Variants in DNA2 observed in about 807,000 individuals in gnomAD.
DNA2 encodes the protein DNA replication helicase/nuclease 2.
DNA2 carries 101 observed loss-of-function variants against 119.1 expected under a neutral mutation model. That is an observed-to-expected ratio of 0.85 (90% CI 0.72 to 1.00). The LOEUF (loss-of-function observed/expected upper bound fraction) is 1.00. Among genes scored for constraint, DNA2 ranks in the 50% least tolerant of loss-of-function variants. The pLI is 0.00. For synonymous variants in DNA2, 366 were observed against 424.4 expected, an observed-to-expected ratio of 0.86 and a Z score of 1.69; for missense variants, 1,121 against 1,255.5, an observed-to-expected ratio of 0.89 and a Z score of 1.62.
At position 68,463,668 on chromosome 10, in the gene DNA2, C is replaced by CAA. The variant is rs1350131594; in HGVS notation, c.587+1997_587+1998dup. ...TGAACGACAGAGGAAGACTCCATCTCAAAAAAAAAAAAAAAAGATACAACT... is the reference window on the plus strand; with the variant it reads ...TGAACGACAGAGGAAGACTCCATCTCAAAAAAAAAAAAAAAAAAGATACAACT... On this transcript the variant is annotated intron_variant, in intron 4 of 20. Coordinates refer to ENST00000358410, the MANE Select transcript of DNA2 (RefSeq NM_001080449.3). Among the ~76,000 whole-genome samples the CAA allele has an allele frequency of 4.1e-3, 402 of 98,576 alleles. 5 individuals are homozygous for CAA. Among genetic ancestry groups the CAA allele is most frequent in the African/African-American group, 0.014 (387 of 28,208 alleles). The allele number at this position is 98,576 out of a possible 152,430, so 64.7% of individuals were successfully genotyped here. A position where few individuals can be genotyped will look rare whatever the true frequency, so the allele number is the denominator to read the frequency against.
In DNA2 at chr10:68,434,681, G is replaced by A. The variant is rs1395341572; in HGVS notation, c.1647-2171C>T. Reference sequence around the variant, plus strand: ...AAAAAGAAAATATGTATGTCTACACGCAAGACCATAAATTCCTCAAGGATT... The same window carrying A: ...AAAAAGAAAATATGTATGTCTACACACAAGACCATAAATTCCTCAAGGATT... On this transcript the variant is annotated intron_variant, in intron 10 of 20. Coordinates refer to ENST00000358410, the MANE Select transcript of DNA2 (RefSeq NM_001080449.3). Among the ~76,000 whole-genome samples the A allele has an allele frequency of 2.0e-5, 3 of 151,982 alleles. 1 individual carries two copies. Among genetic ancestry groups the A allele is most frequent in the South Asian group, 4.1e-4 (2 of 4,820 alleles).
intron 19 of DNA2, among the ~76,000 whole-genome samples, chr10:68,418,669 A>ATTTT (rs34507769): frequency 9.7e-5 from 11 of 113,818 alleles, no homozygotes; most frequent in African/African-American, 2.6e-4. Context: ...TTAAACCGCA[A>ATTTT]TTTTTTTTTT....
At position 68,470,084 on chromosome 10, in the gene DNA2, C is replaced by A. The variant is rs770254145; in HGVS notation, c.154G>T (p.Val52Phe). 1.9e-6 allele frequency: 3 copies of A among 1,613,838 alleles called. No individual in the cohort carries two copies. Among genetic ancestry groups the A allele is most frequent in the Non-Finnish European group, 2.5e-6 (3 of 1,179,854 alleles). The change falls in exon 2 of 21, where the codon GTC becomes TTC. Residue 52 changes from valine (V) to phenylalanine (F), a missense_variant. Coordinates refer to ENST00000358410, the MANE Select transcript of DNA2 (RefSeq NM_001080449.3). Reference protein sequence around the residue: ...GMDNRYLVLAVNTVQNKEGNC... With the variant: ...GMDNRYLVLAFNTVQNKEGNC... The stretch of plus-strand genomic sequence containing the variant: ...CCCTCTTTGTTCTGTACAGTATTGA[C>A]TGCCAACACCAGGTACCGGTTATCC...
intron 19 of DNA2, among the ~76,000 whole-genome samples, chr10:68,418,439 T>C (rs1042205313): frequency 6.7e-6 from 1 of 149,926 alleles, no homozygotes; most frequent in Non-Finnish European, 1.5e-5. Flanking sequence ...GTAAGATGTA[T>C]GTTTTATGTG....
At chr10:68,417,694 T>C (rs2051610315) in intron 19 of DNA2, among the ~76,000 whole-genome samples, 1 of 151,868 alleles carries the variant, frequency 6.6e-6, no homozygotes. Flanking sequence ...GTCTATAAAT[T>C]TGAAAGTATA....
chr10:68,423,172 T>G (rs937469309), intron 14 of DNA2, among the ~76,000 whole-genome samples: 5 of 151,994 alleles, frequency 3.3e-5, no homozygotes, highest in Admixed American at 6.6e-5. Flanking sequence ...TTAGTTCTTT[T>G]TTTGTTTGTT....
chr10:68,470,772 C>T (rs1193385232), intron 1 of DNA2, among the ~76,000 whole-genome samples: 1 of 152,006 alleles, frequency 6.6e-6, no homozygotes, highest in Non-Finnish European at 1.5e-5. Flanking sequence ...GGGTATTGTC[C>T]GTGGTTCACT....
intron 17 of DNA2, 110 bp downstream of exon 17, chr10:68,422,115 G>T: frequency 1.1e-6 from 1 of 891,004 alleles, no homozygotes; most frequent in Non-Finnish European, 1.6e-6. Context: ...GCCCAGCCTA[G>T]TTTTGCCTTT....
At chr10:68,469,632 T>C (rs1335789969) in intron 2 of DNA2, among the ~76,000 whole-genome samples, 1 of 151,952 alleles carries the variant, frequency 6.6e-6, no homozygotes, top group Admixed American at 6.6e-5. Flanking sequence ...CCAGCTAATT[T>C]TTTTTTATTT....
chr10:68,450,925 CCT>C (rs974278416), intron 5 of DNA2, among the ~76,000 whole-genome samples: 1 of 151,924 alleles, frequency 6.6e-6, no homozygotes, highest in African/African-American at 2.4e-5. Flanking sequence ...ATGGCGAAAC[CCT>C]GTCTCAATTA....
At chr10:68,440,092 C>T (rs1446384197) in intron 9 of DNA2, among the ~76,000 whole-genome samples, 4 of 151,650 alleles carry the variant, frequency 2.6e-5, no homozygotes, top group Non-Finnish European at 4.4e-5. Flanking sequence ...CTGCTTGAGG[C>T]CAGGAGTTCC....
At chr10:68,458,464 G>A (rs886555043) in intron 5 of DNA2, among the ~76,000 whole-genome samples, 1 of 151,114 alleles carries the variant, frequency 6.6e-6, no homozygotes, top group South Asian at 2.1e-4. Context: ...ACCCCGGGAG[G>A]CGGAGGTTGC....
chr10:68,426,075 A>C (rs1211632313), intron 14 of DNA2, among the ~76,000 whole-genome samples: 4 of 151,456 alleles, frequency 2.6e-5, no homozygotes, highest in Admixed American at 2.6e-4. Context: ...GGCAGAGGTT[A>C]CAGAGAGCCA....
At chr10:68,465,638 T>C in intron 4 of DNA2, 29 bp downstream of exon 4, 1 of 1,486,414 alleles carries the variant, frequency 6.7e-7, no homozygotes, top group South Asian at 1.3e-5. Flanking sequence ...AATAAAATTA[T>C]ACCTGCAGTT....
At chr10:68,415,371 G>A (rs1293532784) in intron 20 of DNA2, among the ~76,000 whole-genome samples, 2 of 151,690 alleles carry the variant, frequency 1.3e-5, no homozygotes, top group African/African-American at 4.8e-5. Context: ...CTGCCTCCTG[G>A]GTTCAAGAGA....
chr10:68,447,092 A>G (rs953959887), intron 6 of DNA2, among the ~76,000 whole-genome samples: 2 of 152,178 alleles, frequency 1.3e-5, no homozygotes, highest in Admixed American at 1.3e-4. Flanking sequence ...GCATGCCTAT[A>G]TTAAAATATC....
At chr10:68,472,334 G>A (rs541351797), upstream of DNA2, among the ~76,000 whole-genome samples, 1 of 152,254 alleles carries the variant, frequency 6.6e-6, no homozygotes, top group African/African-American at 2.4e-5. Flanking sequence ...TTAGCCTTCA[G>A]AATTGTGCAC....
intron 4 of DNA2, among the ~76,000 whole-genome samples, chr10:68,459,838 C>A (rs149718189): frequency 2.6e-3 from 388 of 152,134 alleles, no homozygotes; most frequent in African/African-American, 8.8e-3. Flanking sequence ...ACAAGCCTGG[C>A]CAACATGGTG....
In DNA2 at chr10:68,437,483, A is replaced by T. The variant is rs199900841; in HGVS notation, c.1416-242T>A. Among the ~76,000 whole-genome samples, 37 of 132,418 alleles carry T rather than the reference A, an allele frequency of 2.8e-4. No individual in the cohort carries two copies. In the East Asian group the frequency reaches 3.3e-3, roughly 12 times the overall value. 86.9% of individuals were successfully genotyped at this position (132,418 alleles called of 152,430 possible). A position where few individuals can be genotyped will look rare whatever the true frequency, so the allele number is the denominator to read the frequency against. ...AAAACCCTATCTCTACTAAAAAAAA[A>T]AAAATAAAAATAAAAAATTAGCCAG... On this transcript the variant is annotated intron_variant, in intron 9 of 20. Transcript: ENST00000358410.
Sources: gnomAD v4.1 joint callset for allele counts (sites outside exome capture counted in the v4.1 genomes callset) on GRCh38, gnomAD v4.1.1 for gene constraint, MANE v1.5 for transcripts, NCBI Gene and HGNC (gene_info 2026-07-23, HGNC 2026-07-21) for gene names.